ACOXL: variants seen among roughly 807,000 people sequenced by gnomAD.
ACOXL encodes the protein acyl-CoA oxidase like.
ACOXL carries 70 observed loss-of-function variants against 71.9 expected under a neutral mutation model. The ratio of observed to expected loss-of-function variants is 0.97; its 90% CI spans 0.80 to 1.19. The LOEUF is 1.19. Among genes scored for constraint, ACOXL ranks in the 50% most tolerant of loss-of-function variants. The probability of loss-of-function intolerance (pLI) is 0.00; values close to 1 mark genes in which losing one functional copy is unlikely to be tolerated. For synonymous variants in ACOXL, 253 were observed against 281.6 expected (o/e 0.90, Z 1.02); for missense variants, 703 against 736.3 (o/e 0.95, Z 0.52).
intron 14 of ACOXL, among the ~76,000 whole-genome samples, chr2:111,029,399 T>G (rs1297179122): frequency 6.6e-6 from 1 of 152,266 alleles, no homozygotes; most frequent in Non-Finnish European, 1.5e-5. Flanking sequence ...ACTCTCGAAG[T>G]TAATGCTGTC....
chr2:111,061,097 A>G (rs2066792932), intron 16 of ACOXL, among the ~76,000 whole-genome samples: 1 of 152,178 alleles, frequency 6.6e-6, no homozygotes, highest in Non-Finnish European at 1.5e-5. Context: ...GATGGAGCTA[A>G]AAAAGTACTC....
chr2:111,063,409 G>A lies in ACOXL; in HGVS notation c.1440+14121G>A, dbSNP rs147642637. ...TAATGGGTAGAATTTAGCAATATAT[G>A]AGAAGAATTATACACTGACCAAGTG... is the stretch of plus-strand genomic sequence containing the variant. On this transcript the variant is annotated intron_variant, in intron 16 of 17. Transcript: ENST00000439055. Among the ~76,000 whole-genome samples the A allele has an allele frequency of 3.6e-3, 552 of 152,188 alleles. 9 individuals are homozygous for A. In the East Asian group the frequency reaches 0.046, roughly 13 times the overall value.
intron 14 of ACOXL, among the ~76,000 whole-genome samples, chr2:111,000,765 G>T (rs561884626): frequency 1.1e-4 from 16 of 152,168 alleles, no homozygotes; most frequent in African/African-American, 3.9e-4. Context: ...TGTCTCTTCC[G>T]CTTATCAGGG....
At chr2:110,987,044 A>G in intron 12 of ACOXL, 64 bp from the exon 13 acceptor site, 1 of 1,284,128 alleles carries the variant, frequency 7.8e-7, no homozygotes, top group African/African-American at 1.5e-5. Context: ...ATTGGGTTGC[A>G]GTATTAAAGA....
At chr2:111,051,599 G>C (rs2066291183) in intron 16 of ACOXL, among the ~76,000 whole-genome samples, 3 of 152,132 alleles carry the variant, frequency 2.0e-5, no homozygotes, top group African/African-American at 4.8e-5. Flanking sequence ...CTCCCCACTA[G>C]TTGGGAGTAC....
intron 1 of ACOXL, among the ~76,000 whole-genome samples, chr2:110,746,915 G>A (rs1483171469): frequency 6.6e-6 from 1 of 150,630 alleles, no homozygotes; most frequent in Non-Finnish European, 1.5e-5. Context: ...GTTCTTATCA[G>A]CCTGCCCAGC....
chr2:111,070,721 CT>C (rs1272546102), intron 16 of ACOXL, among the ~76,000 whole-genome samples: 1 of 151,990 alleles, frequency 6.6e-6, no homozygotes, highest in Non-Finnish European at 1.5e-5. Flanking sequence ...GTTGATTTTA[CT>C]TCTTGTAGAT....
At position 110,789,156 on chromosome 2, in the gene ACOXL, TCACAG is replaced by T. The variant is rs111767461; in HGVS notation, c.159+4343_159+4347del. Among the ~76,000 whole-genome samples, 80 of 152,264 alleles carry T rather than the reference TCACAG, an allele frequency of 5.3e-4. 1 individual carries two copies. The highest frequency in any genetic ancestry group is 1.8e-3 in the African/African-American group (74 of 41,536). On this transcript the variant is annotated intron_variant, in intron 3 of 17. Coordinates refer to ENST00000439055, the MANE Select transcript of ACOXL (RefSeq NM_001142807.4). The stretch of plus-strand genomic sequence containing the variant: ...GCTGGGGGCTGGCTCTGAGAGTGGC[TCACAG>T]CGACAGGGGTGGGCATATTAGCAAA...
chr2:111,006,295 C>T lies in ACOXL; in HGVS notation c.1281+10291C>T, dbSNP rs372780862. Among the ~76,000 whole-genome samples the T allele has an allele frequency of 1.3e-3, 196 of 152,284 alleles. 4 individuals are homozygous for T. In the South Asian group the frequency reaches 0.039, roughly 30 times the overall value. Reference sequence around the variant, plus strand: ...AGTCCTGTACAGGGGAAACATATTCCCATTACTCAGTGAGAGATTAGGCTT... The same window carrying T: ...AGTCCTGTACAGGGGAAACATATTCTCATTACTCAGTGAGAGATTAGGCTT... On this transcript the variant is annotated intron_variant, in intron 14 of 17. Transcript: ENST00000439055.
intron 14 of ACOXL, among the ~76,000 whole-genome samples, chr2:110,998,548 A>T (rs925471401): frequency 2.0e-5 from 3 of 152,234 alleles, no homozygotes; most frequent in African/African-American, 7.2e-5. Flanking sequence ...TTGCTTCCCT[A>T]AATCTGTTTC....
At chr2:110,822,787 C>G (rs966707879) in intron 9 of ACOXL, among the ~76,000 whole-genome samples, 3 of 152,208 alleles carry the variant, frequency 2.0e-5, no homozygotes, top group African/African-American at 7.2e-5. Flanking sequence ...TCACCACCCC[C>G]AAATAATACC....
chr2:110,734,678 C>CT (rs1317764994), intron 1 of ACOXL, among the ~76,000 whole-genome samples: 1 of 152,006 alleles, frequency 6.6e-6, no homozygotes, highest in Non-Finnish European at 1.5e-5. Context: ...CAGTTTGTTC[C>CT]TGGGCTATCA....
chr2:110,879,428 A>C (rs1469410810), intron 10 of ACOXL, among the ~76,000 whole-genome samples: 1 of 152,236 alleles, frequency 6.6e-6, no homozygotes, highest in Non-Finnish European at 1.5e-5. Context: ...CTCTTTTGAG[A>C]AAGCAAAATG....
chr2:110,794,208 G>A (rs1441295171), intron 5 of ACOXL, 34 bp downstream of exon 5: 5 of 1,600,560 alleles, frequency 3.1e-6, no homozygotes, highest in South Asian at 2.2e-5. Flanking sequence ...CCGTGCAGGG[G>A]AGCTGGAAAC....
At chr2:110,874,805 G>A (rs1041377097) in intron 10 of ACOXL, among the ~76,000 whole-genome samples, 3 of 152,162 alleles carry the variant, frequency 2.0e-5, no homozygotes, top group Non-Finnish European at 4.4e-5. Flanking sequence ...AATTTCAGGA[G>A]GATTCTTGGG....
chr2:110,908,654 AT>A (rs2059544057), intron 10 of ACOXL, 134 bp from the exon 11 acceptor site: 5 of 701,528 alleles, frequency 7.1e-6, no homozygotes, highest in Non-Finnish European at 1.2e-5. Context: ...CCCTAACCAC[AT>A]TTTAGGAAAT....
chr2:111,086,850 A>T (rs1053316712), intron 16 of ACOXL, among the ~76,000 whole-genome samples: 1 of 152,210 alleles, frequency 6.6e-6, no homozygotes, highest in Admixed American at 6.5e-5. Flanking sequence ...CTAGGAAGGG[A>T]GGAAGTCAAA....
intron 9 of ACOXL, among the ~76,000 whole-genome samples, chr2:110,838,663 A>T (rs1439699689): frequency 6.6e-6 from 1 of 152,160 alleles, no homozygotes; most frequent in Non-Finnish European, 1.5e-5. Context: ...GTCTGTTCCA[A>T]CCTGGGGTTT....
intron 17 of ACOXL, among the ~76,000 whole-genome samples, chr2:111,094,892 T>G (rs562525918): frequency 6.6e-6 from 1 of 152,270 alleles, no homozygotes; most frequent in African/African-American, 2.4e-5. Context: ...TCTCCTTCCA[T>G]GTAGCCTAGT....
Sources: gnomAD v4.1 joint callset for allele counts (sites outside exome capture counted in the v4.1 genomes callset) on GRCh38, gnomAD v4.1.1 for gene constraint, MANE v1.5 for transcripts, NCBI Gene and HGNC (gene_info 2026-07-23, HGNC 2026-07-21) for gene names.